SLC34A2: variants seen among roughly 807,000 people sequenced by gnomAD.
The protein encoded by SLC34A2 is solute carrier family 34 member 2.
Under a neutral mutation model 50.8 loss-of-function variants are expected in SLC34A2, and 41 were observed. The observed-to-expected ratio is 0.81, with a 90% CI of 0.63 to 1.05. The LOEUF (loss-of-function observed/expected upper bound fraction) is 1.05, where lower values mean the gene tolerates loss of function less well. SLC34A2 is among the 50% of genes least tolerant of loss of function. SLC34A2 has a pLI of 0.00. For synonymous variants in SLC34A2, 401 were observed against 364.2 expected, an observed-to-expected ratio of 1.10 and a Z score of -1.15; for missense variants, 879 against 876.7, an observed-to-expected ratio of 1.00 and a Z score of -0.03.
At chr4:25,674,126 C>T (rs974974794) in intron 10 of SLC34A2, among the ~76,000 whole-genome samples, 170 bp from the exon 11 acceptor site, 2 of 152,142 alleles carry the variant, frequency 1.3e-5, no homozygotes, top group Non-Finnish European at 2.9e-5. Flanking sequence ...TCTGAATATG[C>T]GGAGCAAAAG....
In SLC34A2 at chr4:25,662,843, G is replaced by C; in HGVS notation, c.250+1G>C. ...CAGGACTCGGGGATCAAGTGGTCAG[G>C]TAAAAGTGAGGCCAGCTGAGACATT... On this transcript the variant is annotated splice_donor_variant, in intron 3 of 12. Transcript: ENST00000382051. LOFTEE classifies it high-confidence loss of function. 1 of 1,614,018 alleles carries C rather than the reference G, an allele frequency of 6.2e-7. No homozygotes were observed. Among genetic ancestry groups the C allele is most frequent in the Non-Finnish European group, 8.5e-7 (1 of 1,179,980 alleles).
At position 25,676,660 on chromosome 4, in the gene SLC34A2, C is replaced by G. The variant is rs867649889; in HGVS notation, c.1984C>G (p.Pro662Ala). 6.2e-7 allele frequency: 1 copy of G among 1,614,204 alleles called. No homozygotes were observed. The highest frequency in any genetic ancestry group is 8.5e-7 in the Non-Finnish European group (1 of 1,180,036). The stretch of plus-strand genomic sequence containing the variant: ...GGGGCAGGATGTCCCTGTCAAGGCT[C>G]CTGAGACCTTTGATAACATAACCAT... ...QEGQDVPVKA[P>A]ETFDNITISR... is the part of the protein sequence containing the mutation. Residue 662 changes from proline to alanine, a missense_variant, in exon 13 of 13, where the codon CCT becomes GCT. By Grantham distance (27) the Pro-to-Ala change is conservative (BLOSUM62 -1). Transcript: ENST00000382051.
chr4:25,670,141 G>A (rs1363812014), intron 7 of SLC34A2, among the ~76,000 whole-genome samples: 1 of 152,208 alleles, frequency 6.6e-6, no homozygotes, highest in African/African-American at 2.4e-5. Context: ...AGGATCGCTT[G>A]AACCCCGGGA....
intron 6 of SLC34A2, among the ~76,000 whole-genome samples, chr4:25,668,752 C>G (rs1365060048): frequency 6.6e-6 from 1 of 151,920 alleles, no homozygotes; most frequent in Non-Finnish European, 1.5e-5. Flanking sequence ...TTGTTCTTCA[C>G]TTACAAGTTA....
At chr4:25,672,307 C>T (rs759956170) in intron 9 of SLC34A2, among the ~76,000 whole-genome samples, 9 of 152,072 alleles carry the variant, frequency 5.9e-5, no homozygotes, top group South Asian at 2.1e-4. Context: ...GACGACAACC[C>T]GATTTGAAGG....
At chr4:25,672,671 G>C (rs1159857397) in intron 9 of SLC34A2, among the ~76,000 whole-genome samples, 1 of 151,952 alleles carries the variant, frequency 6.6e-6, no homozygotes, top group African/African-American at 2.4e-5. Flanking sequence ...ATGTTTTGCT[G>C]GGATTATCTG....
intron 4 of SLC34A2, among the ~76,000 whole-genome samples, chr4:25,665,835 A>G (rs1171815601): frequency 6.6e-6 from 1 of 152,078 alleles, no homozygotes; most frequent in African/African-American, 2.4e-5. Context: ...GAGTGGGAGG[A>G]TGCAGGGTGA....
chr4:25,658,547 C>T (rs934248992), intron 1 of SLC34A2, among the ~76,000 whole-genome samples: 8 of 152,214 alleles, frequency 5.3e-5, no homozygotes, highest in African/African-American at 1.9e-4. Flanking sequence ...TGAGCCAAGT[C>T]AAGAAAGTTC....
Position 25,676,073 on chromosome 4 carries a change from C to T in SLC34A2, c.1459-62C>T, listed in dbSNP as rs988409421. The T allele has an allele frequency of 6.2e-6, 10 of 1,602,148 alleles. No individual in the cohort carries two copies. The African/African-American group carries it at 9.4e-5, about 15-fold the overall frequency. Reference sequence around the variant, plus strand: ...CCTGCTAGCTTACCTCCCCCTCCTCCTCCCTACTGCCACCCGCATTGGGCA... The same window carrying T: ...CCTGCTAGCTTACCTCCCCCTCCTCTTCCCTACTGCCACCCGCATTGGGCA... On this transcript the variant is annotated intron_variant, in intron 12 of 12. Transcript: ENST00000382051.
At position 25,676,288 on chromosome 4, in the gene SLC34A2, T is replaced by C. The variant is rs1258935311; in HGVS notation, c.1612T>C (p.Phe538Leu). 1 of 1,614,186 alleles carries C rather than the reference T, an allele frequency of 6.2e-7. No homozygotes were observed. The highest frequency in any genetic ancestry group is 1.1e-5 in the South Asian group (1 of 91,080). ...CGTCTTCTACCTGATCATCTTCTTC[T>C]TCCTGATCCCGCTGACGGTGTTTGG... ...FAVFYLIIFF[F>L]LIPLTVFGLS... Residue 538 changes from phenylalanine (F) to leucine (L), a missense_variant, in exon 13 of 13, where the codon TTC (phenylalanine) becomes CTC (leucine). Transcript: ENST00000382051.
chr4:25,669,764 C>T lies in SLC34A2; in HGVS notation c.753C>T (p.Ser251=). ...LEIITQLIVE[S]FHFKNGEDAP... Reference sequence around the variant, plus strand: ...TCATAACCCAGCTTATAGTGGAGAGCTTCCACTTCAAGAATGGAGAAGATG... The same window carrying T: ...TCATAACCCAGCTTATAGTGGAGAGTTTCCACTTCAAGAATGGAGAAGATG... Residue 251 remains serine (S), a synonymous_variant, in exon 7 of 13, where the codon AGC becomes AGT. Coordinates refer to ENST00000382051, the MANE Select transcript of SLC34A2 (RefSeq NM_006424.3). 1 of 1,614,004 alleles carries T rather than the reference C, an allele frequency of 6.2e-7. No individual in the cohort carries two copies. The highest frequency in any genetic ancestry group is 8.5e-7 in the Non-Finnish European group (1 of 1,179,900).
At chr4:25,668,094 C>G in intron 6 of SLC34A2, 103 bp downstream of exon 6, 2 of 786,724 alleles carry the variant, frequency 2.5e-6, no homozygotes, top group Non-Finnish European at 4.5e-6. Context: ...TTATCAGGTT[C>G]ATTCCTGGAG....
At chr4:25,673,014 T>C in intron 9 of SLC34A2, 73 bp from the exon 10 acceptor site, 2 of 1,496,422 alleles carry the variant, frequency 1.3e-6, no homozygotes, top group Admixed American at 1.7e-5. Context: ...AGACAGGATC[T>C]GGGGGAATAA....
Position 25,662,832 on chromosome 4 carries a change from C to G in SLC34A2, c.240C>G (p.Ile80Met), listed in dbSNP as rs1041318430. Residue 80 changes from isoleucine to methionine, a missense_variant, in exon 3 of 13, where the codon ATC becomes ATG. Physicochemically the swap from Ile to Met is conservative, Grantham distance 10. Coordinates refer to ENST00000382051, the MANE Select transcript of SLC34A2 (RefSeq NM_006424.3). ...WNLPTLQDSG[I>M]KWSERDTKGK... ...TACCCACTCTTCAGGACTCGGGGAT[C>G]AAGTGGTCAGGTAAAAGTGAGGCCA... The G allele has an allele frequency of 1.2e-6, 2 of 1,613,984 alleles. No homozygotes were observed. The highest frequency in any genetic ancestry group is 2.7e-5 in the African/African-American group (2 of 74,912).
In SLC34A2 at chr4:25,671,557, A is replaced by G. The variant is rs776446602; in HGVS notation, c.928-44A>G. On this transcript the variant is annotated intron_variant, in intron 8 of 12. Coordinates refer to ENST00000382051, the MANE Select transcript of SLC34A2 (RefSeq NM_006424.3). Reference sequence around the variant, plus strand: ...CCCCCGCCATTGCCTCCCATTCCCCACTAAAAGCCAGTGTTGTGGGCATTT... The same window carrying G: ...CCCCCGCCATTGCCTCCCATTCCCCGCTAAAAGCCAGTGTTGTGGGCATTT... 9 of 1,613,632 alleles carry G rather than the reference A, an allele frequency of 5.6e-6. No homozygotes were observed. The South Asian group carries it at 8.8e-5, about 16-fold the overall frequency.
At chr4:25,662,364 C>G in intron 1 of SLC34A2, 134 bp from the exon 2 acceptor site, 1 of 735,424 alleles carries the variant, frequency 1.4e-6, no homozygotes, top group South Asian at 1.6e-5. Context: ...GAAATCTTTC[C>G]CTTCCTTTTA....
At chr4:25,672,995 T>G (rs951909304) in intron 9 of SLC34A2, 92 bp from the exon 10 acceptor site, 4 of 1,390,784 alleles carry the variant, frequency 2.9e-6, no homozygotes, top group African/African-American at 2.8e-5. Flanking sequence ...AGGAATCTGT[T>G]TGTAGGAAAG....
At chr4:25,665,163 CTT>C (rs10676891) in intron 4 of SLC34A2, 1,533 of 126,442 alleles carry the variant, frequency 0.012, no homozygotes, top group East Asian at 0.037. Context: ...CTGGACATTG[CTT>C]TTTTTTTTTT....
At chr4:25,667,289 C>G (rs1264533042) in intron 5 of SLC34A2, among the ~76,000 whole-genome samples, 2 of 152,094 alleles carry the variant, frequency 1.3e-5, no homozygotes, top group Non-Finnish European at 2.9e-5. Context: ...AGGTGGGAGG[C>G]TCACCTGAGG....
Sources: allele counts gnomAD v4.1 joint callset (sites outside exome capture counted in the v4.1 genomes callset), GRCh38; gene constraint gnomAD v4.1.1; transcripts MANE v1.5; gene names NCBI Gene and HGNC (gene_info 2026-07-23, HGNC 2026-07-21).